Variants in CDCA2 observed in about 807,000 individuals in gnomAD.
CDCA2 encodes the protein cell division cycle associated 2, also known as cell division cycle-associated protein 2.
In CDCA2, 44 loss-of-function variants were observed where a neutral mutation model predicts 67.0. The observed-to-expected ratio is 0.66, with a 90% CI of 0.52 to 0.84. The LOEUF (loss-of-function observed/expected upper bound fraction) is 0.84. Ranked by LOEUF, CDCA2 falls within the 40% of genes least tolerant of loss-of-function variation. The pLI is 0.00. For synonymous variants in CDCA2, 447 were observed against 418.7 expected, an observed-to-expected ratio of 1.07 and a Z score of -0.82; for missense variants, 1,253 against 1,203.2, an observed-to-expected ratio of 1.04 and a Z score of -0.61.
At chr8:25,490,211 GTA>G (rs892023097) in intron 13 of CDCA2, among the ~76,000 whole-genome samples, 3 of 151,878 alleles carry the variant, frequency 2.0e-5, no homozygotes, top group African/African-American at 7.3e-5. Context: ...GTGTGTGTGT[GTA>G]TATATATTTT....
intron 13 of CDCA2, among the ~76,000 whole-genome samples, chr8:25,495,269 C>T (rs1382491235): frequency 1.3e-5 from 2 of 152,224 alleles, no homozygotes; most frequent in African/African-American, 2.4e-5. Context: ...AATGTTTTAC[C>T]TGACTATGAA....
At chr8:25,487,082 A>T (rs201130344) in intron 11 of CDCA2, among the ~76,000 whole-genome samples, 164 bp from the exon 12 acceptor site, 1 of 880 alleles carries the variant, frequency 1.1e-3, no homozygotes, top group Non-Finnish European at 0.025. Flanking sequence ...TTTTTAAAAC[A>T]AAAAAAAAAA....
chr8:25,492,639 T>C (rs910429391), intron 13 of CDCA2, among the ~76,000 whole-genome samples: 3 of 152,134 alleles, frequency 2.0e-5, no homozygotes, highest in Non-Finnish European at 4.4e-5. Context: ...CTAGGAATCA[T>C]CTCCCTCAAG....
chr8:25,485,234 T>C (rs937318412), intron 10 of CDCA2, among the ~76,000 whole-genome samples: 7 of 150,704 alleles, frequency 4.6e-5, no homozygotes, highest in African/African-American at 1.7e-4. Flanking sequence ...TAACAAAATA[T>C]AGTATCCACT....
At chr8:25,477,767 A>G (rs1028953902) in intron 7 of CDCA2, among the ~76,000 whole-genome samples, 2 of 152,106 alleles carry the variant, frequency 1.3e-5, no homozygotes, top group Admixed American at 1.3e-4. Context: ...TGAATGCCTA[A>G]TAAACATCTC....
chr8:25,466,110 T>G, intron 4 of CDCA2, 65 bp from the exon 5 acceptor site: 2 of 1,453,984 alleles, frequency 1.4e-6, no homozygotes, highest in Non-Finnish European at 1.9e-6. Context: ...TCAATGGCTG[T>G]AGGCCTAGAA....
In CDCA2 at chr8:25,480,060, A is replaced by G. The variant is rs1803508398; in HGVS notation, c.968A>G (p.Lys323Arg). The G allele has an allele frequency of 6.2e-7, 1 of 1,614,148 alleles. No individual in the cohort carries two copies. The highest frequency in any genetic ancestry group is 8.5e-7 in the Non-Finnish European group (1 of 1,180,020). The change falls in exon 8 of 15, where the codon AAG becomes AGG. Residue 323 changes from lysine to arginine, a missense_variant. Transcript: ENST00000330560. ...PACRRDLPTP[K>R]TFVLRSVLKK... ...TGCAGGAGGGACCTTCCCACCCCCA[A>G]GACCTTTGTACTTCGTTCTGTACTG... is the stretch of plus-strand genomic sequence containing the variant.
At chr8:25,474,418 T>C (rs1803270204) in intron 7 of CDCA2, among the ~76,000 whole-genome samples, 1 of 152,244 alleles carries the variant, frequency 6.6e-6, no homozygotes, top group Non-Finnish European at 1.5e-5. Flanking sequence ...GGCTTTTCTT[T>C]TGGTGGGACA....
chr8:25,478,067 C>T lies in CDCA2; in HGVS notation c.821-1846C>T, dbSNP rs531960013. ...TCAGCCTTCCAAGTAGCTGGGACCA[C>T]AGGTGCTCACTACCATGCCCAGCTA... is the stretch of plus-strand genomic sequence containing the variant. On this transcript the variant is annotated intron_variant, in intron 7 of 14. Transcript: ENST00000330560. 3.3e-5 allele frequency among the ~76,000 whole-genome samples: 5 copies of T among 151,904 alleles called. No individual in the cohort carries two copies. In the South Asian group the frequency reaches 6.2e-4, roughly 19 times the overall value.
At chr8:25,487,094 T>A in intron 11 of CDCA2, 152 bp from the exon 12 acceptor site, 9 of 511,444 alleles carry the variant, frequency 1.8e-5, no homozygotes, top group Admixed American at 4.1e-5. Flanking sequence ...AAAAAAAAAA[T>A]TGGATTTCAA....
chr8:25,469,477 T>C (rs1178939805), intron 6 of CDCA2, among the ~76,000 whole-genome samples: 1 of 152,254 alleles, frequency 6.6e-6, no homozygotes, highest in Non-Finnish European at 1.5e-5. Flanking sequence ...TCCTAGCCTT[T>C]AATGTTTTTC....
At chr8:25,467,806 A>G (rs1342640983) in intron 5 of CDCA2, among the ~76,000 whole-genome samples, 2 of 152,176 alleles carry the variant, frequency 1.3e-5, no homozygotes, top group Non-Finnish European at 2.9e-5. Flanking sequence ...AGACTTAAGC[A>G]CTAGATTTTA....
chr8:25,461,633 T>A (rs1802693339), intron 3 of CDCA2, among the ~76,000 whole-genome samples: 1 of 152,180 alleles, frequency 6.6e-6, no homozygotes, highest in Non-Finnish European at 1.5e-5. Flanking sequence ...ACAATCATCT[T>A]GAAGAATTAA....
Position 25,503,431 on chromosome 8 carries a change from T to C in CDCA2, c.1730T>C (p.Leu577Ser). ...GKGKKSVQKS[L>S]YGERDIASKK... ...GGAAAGAAAAGTGTTCAGAAATCTTTATATGGGGAAAGAGACATTGCTTCT... is the reference window on the plus strand; with the variant it reads ...GGAAAGAAAAGTGTTCAGAAATCTTCATATGGGGAAAGAGACATTGCTTCT... The change falls in exon 14 of 15, where the codon TTA becomes TCA. Residue 577 changes from leucine (L) to serine (S), a missense_variant. Transcript: ENST00000330560. The C allele has an allele frequency of 6.2e-7, 1 of 1,614,104 alleles. No individual in the cohort carries two copies. Among genetic ancestry groups the C allele is most frequent in the Non-Finnish European group, 8.5e-7 (1 of 1,179,952 alleles).
chr8:25,460,621 T>C (rs956778580), intron 3 of CDCA2, 67 bp downstream of exon 3: 1 of 1,485,606 alleles, frequency 6.7e-7, no homozygotes, highest in Non-Finnish European at 9.1e-7. Flanking sequence ...ATAACTCAGC[T>C]TTATTTGTTT....
At chr8:25,461,960 G>A (rs1199502090) in intron 3 of CDCA2, 94 bp from the exon 4 acceptor site, 14 of 1,240,490 alleles carry the variant, frequency 1.1e-5, no homozygotes, top group African/African-American at 3.0e-5. Context: ...TGTTTATCAT[G>A]TTTTCTCTCT....
intron 13 of CDCA2, among the ~76,000 whole-genome samples, chr8:25,495,005 G>A (rs1040897681): frequency 6.6e-6 from 1 of 152,164 alleles, no homozygotes; most frequent in Non-Finnish European, 1.5e-5. Context: ...CCAGAACTGG[G>A]AGAAAATTAG....
chr8:25,487,373 A>G (rs763379718), intron 12 of CDCA2, 39 bp downstream of exon 12: 5 of 1,295,718 alleles, frequency 3.9e-6, no homozygotes, highest in African/African-American at 1.5e-5. Context: ...TTGTTTTTAA[A>G]TCGTGCAATA....
chr8:25,466,207 T>C lies in CDCA2; in HGVS notation c.420T>C (p.Thr140=), dbSNP rs115997963. The C allele has an allele frequency of 1.3e-3, 2,106 of 1,611,592 alleles. 3 individuals are homozygous for C. Among genetic ancestry groups the C allele is most frequent in the Non-Finnish European group, 1.5e-3 (1,825 of 1,179,462 alleles). Residue 140 remains threonine (T), a synonymous_variant, in exon 5 of 15, where the codon ACT becomes ACC. Transcript: ENST00000330560. ...GSPALYRNVN[T]LRERISAFQS... is the part of the protein sequence containing the mutation. Reference sequence around the variant, plus strand: ...CTGCACTGTATCGAAATGTTAACACTTTAAGAGAACGAATATCAGCCTTCC... The same window carrying C: ...CTGCACTGTATCGAAATGTTAACACCTTAAGAGAACGAATATCAGCCTTCC...
Sources: gnomAD v4.1 joint callset for allele counts (sites outside exome capture counted in the v4.1 genomes callset) on GRCh38, gnomAD v4.1.1 for gene constraint, MANE v1.5 for transcripts, NCBI Gene and HGNC (gene_info 2026-07-23, HGNC 2026-07-21) for gene names.